ANKRD12: variants seen among roughly 807,000 people sequenced by gnomAD.
ANKRD12 encodes the protein ankyrin repeat domain-containing protein 12.
A neutral mutation model predicts 183.4 loss-of-function variants in ANKRD12; 85 were observed. The observed-to-expected ratio is 0.46, with a 90% CI of 0.39 to 0.56. The LOEUF is 0.56. Among genes scored for constraint, ANKRD12 ranks in the 20% least tolerant of loss-of-function variants. ANKRD12 has a pLI of 0.00. For missense variants in ANKRD12, 2,405 were observed against 2,357.1 expected (o/e 1.02, Z -0.42); for synonymous variants, 914 against 800.2 (o/e 1.14, Z -2.40).
intron 8 of ANKRD12, among the ~76,000 whole-genome samples, chr18:9,225,823 C>T (rs189325837): frequency 5.7e-4 from 87 of 152,294 alleles, no homozygotes; most frequent in African/African-American, 2.0e-3. Flanking sequence ...AATATTCAAA[C>T]ATGTAGCAAA....
chr18:9,200,513 G>T (rs1235368762), intron 3 of ANKRD12: 1 of 152,068 alleles, frequency 6.6e-6, no homozygotes, highest in Admixed American at 6.5e-5. Context: ...TCCTACTCTA[G>T]AATTGACAGG....
At chr18:9,269,324 C>T (rs1225752417) in intron 10 of ANKRD12, among the ~76,000 whole-genome samples, 1 of 152,118 alleles carries the variant, frequency 6.6e-6, no homozygotes, top group Non-Finnish European at 1.5e-5. Flanking sequence ...CAGTCCTAAG[C>T]CAAAAGAACA....
At position 9,162,372 on chromosome 18, in the gene ANKRD12, A is replaced by G. The variant is rs553531856; in HGVS notation, c.-51-20010A>G. ...AGCTCCATCCATGTCTCTGCAAAGG[A>G]CATGATCTCTTTCCTTTTTATGGCT... On this transcript the variant is annotated intron_variant, in intron 1 of 12. Transcript: ENST00000262126. Among the ~76,000 whole-genome samples the G allele has an allele frequency of 2.6e-5, 4 of 152,298 alleles. No individual in the cohort carries two copies. In the South Asian group the frequency reaches 8.3e-4, roughly 32 times the overall value.
intron 10 of ANKRD12, among the ~76,000 whole-genome samples, chr18:9,265,313 G>A (rs536668136): frequency 4.3e-4 from 65 of 152,330 alleles, no homozygotes; most frequent in African/African-American, 1.4e-3. Context: ...ATCTGAGAAC[G>A]GACAGACTGC....
Position 9,263,822 on chromosome 18 carries a change from TA to T in ANKRD12, c.5700del (p.Glu1901SerfsTer9). 6.4e-7 allele frequency: 1 copy of T among 1,574,258 alleles called. No individual in the cohort carries two copies. The highest frequency in any genetic ancestry group is 8.7e-7 in the Non-Finnish European group (1 of 1,149,576). On this transcript the variant is annotated frameshift_variant, in exon 10 of 13. Coordinates refer to ENST00000262126, the MANE Select transcript of ANKRD12 (RefSeq NM_015208.5). LOFTEE classifies it high-confidence loss of function. ...CACCACCTTCACTGTCAGATCCACT[TA>T]AAGAGCTTTTTCGACAACAGGAAGT... ...TPPPSLSDPLKELFRQQEVVR... is the reference protein window; with the variant it reads ...TPPPSLSDPLXELFRQQEVVR...
At chr18:9,223,654 TAAG>T (rs1162932495) in intron 8 of ANKRD12, among the ~76,000 whole-genome samples, 1 of 151,904 alleles carries the variant, frequency 6.6e-6, no homozygotes, top group African/African-American at 2.4e-5. Context: ...GGAAAAAAAA[TAAG>T]AAAAGTATAC....
At chr18:9,235,683 G>A in intron 8 of ANKRD12, 1 of 456,286 alleles carries the variant, frequency 2.2e-6, no homozygotes. Flanking sequence ...AGCGGAGCAA[G>A]TTGAACTATA....
intron 4 of ANKRD12, among the ~76,000 whole-genome samples, chr18:9,205,517 T>C (rs138186834): frequency 6.6e-6 from 1 of 152,154 alleles, no homozygotes; most frequent in African/African-American, 2.4e-5. Flanking sequence ...GATAAGTCAG[T>C]AGTGCCTGGT....
chr18:9,139,500 C>T (rs2078245443), intron 1 of ANKRD12, among the ~76,000 whole-genome samples: 1 of 152,146 alleles, frequency 6.6e-6, no homozygotes, highest in Non-Finnish European at 1.5e-5. Flanking sequence ...GACACGTAAA[C>T]TTTTCTTTAA....
At chr18:9,153,440 A>G (rs1440805640) in intron 1 of ANKRD12, among the ~76,000 whole-genome samples, 1 of 151,650 alleles carries the variant, frequency 6.6e-6, no homozygotes, top group Non-Finnish European at 1.5e-5. Context: ...TGTCTTTTTC[A>G]GTTTCGTTGT....
In ANKRD12 at chr18:9,257,798, T is replaced by C. The variant is rs781489321; in HGVS notation, c.4531T>C (p.Leu1511=). Residue 1511 remains leucine, a synonymous_variant, in exon 9 of 13, where the codon TTG becomes CTG. Transcript: ENST00000262126. ...DAESISKHMS[L]SYVANQEPGI... Reference sequence around the variant, plus strand: ...TGAATCGATTTCTAAACATATGTCTTTGTCATATGTTGCTAATCAAGAGCC... The same window carrying C: ...TGAATCGATTTCTAAACATATGTCTCTGTCATATGTTGCTAATCAAGAGCC... The C allele has an allele frequency of 6.2e-7, 1 of 1,613,892 alleles. No homozygotes were observed. The highest frequency in any genetic ancestry group is 1.7e-4 in the Middle Eastern group (1 of 6,056).
chr18:9,143,811 C>T (rs2078402815), intron 1 of ANKRD12, among the ~76,000 whole-genome samples: 1 of 151,422 alleles, frequency 6.6e-6, no homozygotes, highest in Non-Finnish European at 1.5e-5. Flanking sequence ...ACCACCACCA[C>T]CGCCCTCTTT....
chr18:9,272,430 T>C (rs377285681), intron 10 of ANKRD12, among the ~76,000 whole-genome samples: 28 of 152,022 alleles, frequency 1.8e-4, no homozygotes, highest in African/African-American at 6.0e-4. Context: ...GGCTTGGTGG[T>C]GGGCACCTGT....
Position 9,160,838 on chromosome 18 carries a change from A to T in ANKRD12, c.-51-21544A>T, listed in dbSNP as rs539538083. Among the ~76,000 whole-genome samples, 16 of 152,364 alleles carry T rather than the reference A, an allele frequency of 1.1e-4. No individual in the cohort carries two copies. In the South Asian group the frequency reaches 2.1e-3, roughly 20 times the overall value. On this transcript the variant is annotated intron_variant, in intron 1 of 12. Transcript: ENST00000262126. Reference sequence around the variant, plus strand: ...CTAAAAACAGTGCCAACACAATTTGATCGTCTTTAAAAGTCAGTTTAGATA... The same window carrying T: ...CTAAAAACAGTGCCAACACAATTTGTTCGTCTTTAAAAGTCAGTTTAGATA...
At chr18:9,226,825 T>A (rs987438174) in intron 8 of ANKRD12, among the ~76,000 whole-genome samples, 10 of 151,890 alleles carry the variant, frequency 6.6e-5, no homozygotes, top group South Asian at 2.1e-4. Context: ...TGCTCTTTTT[T>A]AAAAAAAATA....
At position 9,279,370 on chromosome 18, in the gene ANKRD12, C is replaced by G. The variant is rs76585048; in HGVS notation, c.5908-179C>G. Among the ~76,000 whole-genome samples the G allele has an allele frequency of 1.5e-3, 224 of 152,238 alleles. 1 individual carries two copies. The highest frequency in any genetic ancestry group is 5.2e-3 in the African/African-American group (218 of 41,550). On this transcript the variant is annotated intron_variant, in intron 11 of 12. Transcript: ENST00000262126. The stretch of plus-strand genomic sequence containing the variant: ...CATCCCAAGAATTCTAATAACCAAT[C>G]TGTCTACACAATGTGGAAATAAAAG...
In ANKRD12 at chr18:9,211,443, AT is replaced by A; in HGVS notation, c.452-140del. ...TGTGTATTTGGGTCATTAACGGATC[AT>A]CCAAGTCAAGGTTTAGGTTGTTAGG... is the stretch of plus-strand genomic sequence containing the variant. On this transcript the variant is annotated intron_variant, in intron 5 of 12. Transcript: ENST00000262126. 4 of 696,514 alleles carry A rather than the reference AT, an allele frequency of 5.7e-6. No homozygotes were observed. In the East Asian group the frequency reaches 1.1e-4, roughly 19 times the overall value. 43.1% of individuals were successfully genotyped at this position (696,514 alleles called of 1,614,324 possible). A position where few individuals can be genotyped will look rare whatever the true frequency, so the allele number is the denominator to read the frequency against.
At chr18:9,235,694 C>T (rs1162786452) in intron 8 of ANKRD12, 1 of 456,040 alleles carries the variant, frequency 2.2e-6, no homozygotes, top group Non-Finnish European at 4.4e-6. Flanking sequence ...TTGAACTATA[C>T]CAAGTGTATG....
intron 9 of ANKRD12, among the ~76,000 whole-genome samples, chr18:9,263,381 T>C (rs375750650): frequency 6.9e-5 from 9 of 130,182 alleles, no homozygotes; most frequent in Admixed American, 4.2e-4. Context: ...ATATTTATCA[T>C]GTCTGCAGAC....
Sources: allele counts gnomAD v4.1 joint callset (sites outside exome capture counted in the v4.1 genomes callset), GRCh38; gene constraint gnomAD v4.1.1; transcripts MANE v1.5; gene names NCBI Gene and HGNC (gene_info 2026-07-23, HGNC 2026-07-21).